Variants in TBC1D26 observed in about 807,000 individuals in gnomAD.
TBC1D26 encodes the protein TBC1 domain family member 26, also known as TBC1 domain family, member 26.
TBC1D26 carries 19 observed loss-of-function variants against 42.5 expected under a neutral mutation model. That is an observed-to-expected ratio of 0.45 (90% CI 0.31 to 0.66). The LOEUF is 0.66. Among genes scored for constraint, TBC1D26 ranks in the 30% least tolerant of loss-of-function variants. The pLI is 0.06. For synonymous variants in TBC1D26, 97 were observed against 123.5 expected (o/e 0.79, Z 1.42); for missense variants, 228 against 332.6 (o/e 0.69, Z 2.45).
chr17:15,740,199 G>A (rs1176097983), intron 9 of TBC1D26, 51 bp downstream of exon 9: 9 of 1,614,078 alleles, frequency 5.6e-6, no homozygotes, highest in Non-Finnish European at 7.6e-6. Flanking sequence ...CATATTCACA[G>A]GCATGGGTGT....
At position 15,738,402 on chromosome 17, in the gene TBC1D26, C is replaced by T; in HGVS notation, c.387+15C>T. 1.2e-6 allele frequency: 2 copies of T among 1,612,266 alleles called. No homozygotes were observed. Among genetic ancestry groups the T allele is most frequent in the South Asian group, 1.1e-5 (1 of 90,994 alleles). On this transcript the variant is annotated intron_variant, in intron 7 of 14. Coordinates refer to ENST00000437605, the MANE Select transcript of TBC1D26 (RefSeq NM_001388465.1). ...GCAAATATAAGGTAAGTCCCTCCCA[C>T]ACTCAGCTAGGAGTACAAACAAGCT...
At chr17:15,740,068 A>AC (rs11429009) in intron 8 of TBC1D26, 32 bp from the exon 9 acceptor site, 317,094 of 817,000 alleles carry the variant, frequency 0.39, 32,148 homozygotes, top group Admixed American at 0.5. Context: ...GCACACACAC[A>AC]AAAAAAAAAC....
intron 10 of TBC1D26, 185 bp from the exon 11 acceptor site, chr17:15,741,757 G>A (rs1967788482): frequency 3.4e-6 from 2 of 594,952 alleles, no homozygotes; most frequent in Non-Finnish European, 3.0e-6. Context: ...GACCCAGGAG[G>A]CCGCTAGGCA....
intron 1 of TBC1D26, among the ~76,000 whole-genome samples, chr17:15,733,369 A>G (rs1310710208): frequency 6.6e-6 from 1 of 152,138 alleles, no homozygotes; most frequent in East Asian, 1.9e-4. Flanking sequence ...GGAGGAGGTG[A>G]AAAAATGTGT....
At chr17:15,737,260 T>TC (rs1217958455) in intron 4 of TBC1D26, among the ~76,000 whole-genome samples, 60 of 152,068 alleles carry the variant, frequency 3.9e-4, no homozygotes, top group African/African-American at 1.3e-3. Flanking sequence ...GCTTCAAGTG[T>TC]CCCCCCCACC....
chr17:15,741,429 C>T (rs547201928), intron 10 of TBC1D26: 31 of 829,528 alleles, frequency 3.7e-5, no homozygotes, highest in African/African-American at 3.2e-4. Flanking sequence ...TCAAGTCAGA[C>T]GGCTTTCATC....
intron 2 of TBC1D26, 56 bp downstream of exon 2, chr17:15,735,126 G>T: frequency 1.7e-6 from 1 of 600,860 alleles, no homozygotes; most frequent in Non-Finnish European, 3.0e-6. Context: ...CCAGGTTCCC[G>T]TGTGCTCAAA....
In TBC1D26 at chr17:15,734,239, T is replaced by G. The variant is rs552265218; in HGVS notation, c.-142-691T>G. On this transcript the variant is annotated intron_variant, in intron 1 of 14. Transcript: ENST00000437605. Reference sequence around the variant, plus strand: ...TAGATTCCAAATCTTCCTTGAGTTCTGGAATTCAATGAGGCAGGGTCTGGT... The same window carrying G: ...TAGATTCCAAATCTTCCTTGAGTTCGGGAATTCAATGAGGCAGGGTCTGGT... Among the ~76,000 whole-genome samples the G allele has an allele frequency of 6.6e-5, 10 of 151,932 alleles. No individual in the cohort carries two copies. The East Asian group carries it at 1.9e-3, about 30-fold the overall frequency.
At position 15,738,029 on chromosome 17, in the gene TBC1D26, G is replaced by A. The variant is rs746112295; in HGVS notation, c.231G>A (p.Lys77=). ...GCAAGGAAAGTAAACGTACCAACAA[G>A]TGGCAAAAGATGCTTGCAGACTGGA... The part of the protein sequence containing the change: ...QRRKESKRTN[K]WQKMLADWTK... Residue 77 remains lysine (K), a synonymous_variant, in exon 6 of 15, where the codon AAG becomes AAA. Coordinates refer to ENST00000437605, the MANE Select transcript of TBC1D26 (RefSeq NM_001388465.1). 9.9e-6 allele frequency: 16 copies of A among 1,614,070 alleles called. No individual in the cohort carries two copies. In the Admixed American group the frequency reaches 1.8e-4, roughly 18 times the overall value.
chr17:15,741,609 G>A (rs1188962502), intron 10 of TBC1D26: 3 of 471,466 alleles, frequency 6.4e-6, no homozygotes, highest in Non-Finnish European at 7.7e-6. Context: ...AGCCAAGATG[G>A]AAGTGTCTGC....
Position 15,744,409 on chromosome 17 carries a change from C to T in TBC1D26, c.1224C>T (p.Asn408=), listed in dbSNP as rs2240593. ...GCHLPAQKRR[N]EGQPAADQSQ... ...ACCTTCCTGCCCAAAAAAGGAGGAA[C>T]GAGGGTCAACCAGCAGCAGACCAGT... Residue 408 remains asparagine (N), a synonymous_variant, in exon 15 of 15, where the codon AAC becomes AAT. Transcript: ENST00000437605. 33,219 of 152,032 alleles carry T rather than the reference C, an allele frequency of 0.22. 3,657 individuals carry two copies. Among genetic ancestry groups the T allele is most frequent in the East Asian group, 0.32 (1,620 of 5,134 alleles). 9.4% of individuals were successfully genotyped at this position (152,032 alleles called of 1,614,324 possible).
chr17:15,741,863 C>A (rs1333605529), intron 10 of TBC1D26, 79 bp from the exon 11 acceptor site: 3 of 1,464,896 alleles, frequency 2.0e-6, no homozygotes, highest in Admixed American at 3.5e-5. Flanking sequence ...GGGTCCCCTG[C>A]CCTGCCCAGC....
Position 15,739,832 on chromosome 17 carries a change from G to A in TBC1D26, c.498-268G>A, listed in dbSNP as rs554739802. Among the ~76,000 whole-genome samples, 807 of 152,338 alleles carry A rather than the reference G, an allele frequency of 5.3e-3. 1 individual carries two copies. Among genetic ancestry groups the A allele is most frequent in the South Asian group, 8.9e-3 (43 of 4,830 alleles). On this transcript the variant is annotated intron_variant, in intron 8 of 14. Coordinates refer to ENST00000437605, the MANE Select transcript of TBC1D26 (RefSeq NM_001388465.1). ...TCCCAAAGACTGGACTTCTGTGTGT[G>A]CAAACTGAGAAAAAGGGGAAGAAAA...
Position 15,738,686 on chromosome 17 carries a change from T to C in TBC1D26, c.388-35T>C, listed in dbSNP as rs369660726. On this transcript the variant is annotated intron_variant, in intron 7 of 14. Coordinates refer to ENST00000437605, the MANE Select transcript of TBC1D26 (RefSeq NM_001388465.1). ...GGGGCAGGGAGTCTTTTGTCTGTTC[T>C]GAGGCTGCTTCCTCCTCTTGGCCCT... 9.9e-5 allele frequency: 159 copies of C among 1,613,934 alleles called. No homozygotes were observed. In the African/African-American group the frequency reaches 2.1e-3, roughly 21 times the overall value.
chr17:15,732,944 G>A (rs1330926982), intron 1 of TBC1D26, among the ~76,000 whole-genome samples: 2 of 151,940 alleles, frequency 1.3e-5, no homozygotes, highest in Non-Finnish European at 2.9e-5. Context: ...TGTGGTAGAG[G>A]ACCTTGAACA....
intron 1 of TBC1D26, among the ~76,000 whole-genome samples, chr17:15,733,519 T>G (rs1348033675): frequency 1.3e-5 from 2 of 152,152 alleles, no homozygotes; most frequent in Admixed American, 1.3e-4. Flanking sequence ...GTTCTGAGGT[T>G]GGGGAGGACC....
chr17:15,744,459 G>C lies in TBC1D26; in HGVS notation c.1274G>C (p.Cys425Ser), dbSNP rs1203726599. 1 of 152,202 alleles carries C rather than the reference G, an allele frequency of 6.6e-6. No individual in the cohort carries two copies. Among genetic ancestry groups the C allele is most frequent in the Non-Finnish European group, 1.5e-5 (1 of 68,044 alleles). 9.4% of individuals were successfully genotyped at this position (152,202 alleles called of 1,614,324 possible). ...TCACAAAAAGAGATGAAATGTGAGTGCATGGCCTTCCTGACACCCAGACAA... is the reference window on the plus strand; with the variant it reads ...TCACAAAAAGAGATGAAATGTGAGTCCATGGCCTTCCTGACACCCAGACAA... ...DQSQKEMKCE[C>S]MAFLTPRQNF... is the part of the protein sequence containing the mutation. Residue 425 changes from cysteine (C) to serine (S), a missense_variant, in exon 15 of 15, where the codon TGC becomes TCC. Transcript: ENST00000437605.
intron 4 of TBC1D26, among the ~76,000 whole-genome samples, chr17:15,736,864 G>A (rs1317298110): frequency 2.0e-5 from 3 of 152,292 alleles, no homozygotes; most frequent in Non-Finnish European, 4.4e-5. Flanking sequence ...AAGGGTCACA[G>A]AAGGGCCAGG....
intron 1 of TBC1D26, chr17:15,734,093 G>A (rs1478158198): frequency 6.6e-6 from 1 of 152,146 alleles, no homozygotes; most frequent in Admixed American, 6.5e-5. Context: ...CCACAGGTGA[G>A]ATGTGTAGAG....
Sources: gnomAD v4.1 joint callset for allele counts (sites outside exome capture counted in the v4.1 genomes callset) on GRCh38, gnomAD v4.1.1 for gene constraint, MANE v1.5 for transcripts, NCBI Gene and HGNC (gene_info 2026-07-23, HGNC 2026-07-21) for gene names.